The following CCDC148 variants were observed in gnomAD, a reference collection of about 807,000 sequenced individuals.
CCDC148 encodes coiled-coil domain-containing protein 148.
Under a neutral mutation model 85.7 loss-of-function variants are expected in CCDC148, and 89 were observed. The observed-to-expected ratio is 1.04, with a 90% CI of 0.87 to 1.24. The LOEUF (loss-of-function observed/expected upper bound fraction) is 1.24, where lower values mean the gene tolerates loss of function less well. Among genes scored for constraint, CCDC148 ranks in the 50% most tolerant of loss-of-function variants. The pLI, the probability that CCDC148 is intolerant of heterozygous loss-of-function variation, is 0.00. For synonymous variants in CCDC148, 230 were observed against 213.9 expected (o/e 1.08, Z -0.66); for missense variants, 692 against 671.7 (o/e 1.03, Z -0.33).
chr2:158,291,212 C>T (rs1373992496), intron 9 of CCDC148, among the ~76,000 whole-genome samples: 2 of 152,114 alleles, frequency 1.3e-5, no homozygotes, highest in East Asian at 1.9e-4. Context: ...CTCAGCCTCC[C>T]GAGTGGCTGG....
chr2:158,279,250 T>C (rs1306538276), intron 9 of CCDC148, among the ~76,000 whole-genome samples: 1 of 152,164 alleles, frequency 6.6e-6, no homozygotes, highest in Non-Finnish European at 1.5e-5. Flanking sequence ...TCGCAGTTCC[T>C]CACCAACAAT....
chr2:158,451,146 A>T (rs1436133109), intron 1 of CCDC148, among the ~76,000 whole-genome samples: 1 of 151,972 alleles, frequency 6.6e-6, no homozygotes, highest in Non-Finnish European at 1.5e-5. Context: ...TTTCTTTTTC[A>T]TAGTTTCTAT....
At chr2:158,354,783 A>G (rs1482961268) in intron 2 of CCDC148, among the ~76,000 whole-genome samples, 4 of 150,744 alleles carry the variant, frequency 2.7e-5, no homozygotes, top group Non-Finnish European at 5.9e-5. Flanking sequence ...AAAAAAAGAG[A>G]ATTTTAGACC....
At chr2:158,381,973 A>T (rs1684890947) in intron 1 of CCDC148, among the ~76,000 whole-genome samples, 1 of 152,120 alleles carries the variant, frequency 6.6e-6, no homozygotes, top group African/African-American at 2.4e-5. Context: ...CTGTATTAAG[A>T]GTTGGGGCCT....
At chr2:158,325,918 T>G (rs1692748068) in intron 7 of CCDC148, among the ~76,000 whole-genome samples, 1 of 152,182 alleles carries the variant, frequency 6.6e-6, no homozygotes, top group African/African-American at 2.4e-5. Context: ...CAATATCTTC[T>G]TGCACTTCTA....
intron 11 of CCDC148, among the ~76,000 whole-genome samples, chr2:158,181,171 C>T (rs1347855947): frequency 6.6e-6 from 1 of 152,068 alleles, no homozygotes; most frequent in African/African-American, 2.4e-5. Flanking sequence ...GTTTCTCTTC[C>T]TTTGGGATAT....
rs925570732 is a variant in CCDC148 at position 158,198,234 on chromosome 2, A to T, written c.1371-19238T>A. Among the ~76,000 whole-genome samples the T allele has an allele frequency of 2.6e-5, 4 of 152,310 alleles. No homozygotes were observed. In the South Asian group the frequency reaches 8.3e-4, roughly 32 times the overall value. On this transcript the variant is annotated intron_variant, in intron 11 of 13. Transcript: ENST00000283233. ...AAGTGCTACTTCCGTGTGTGTCCAT[A>T]GCACTTTGTGCTTCCCTTCCCCAGG...
chr2:158,432,124 G>A (rs987484091), intron 1 of CCDC148, among the ~76,000 whole-genome samples: 2 of 150,822 alleles, frequency 1.3e-5, no homozygotes, highest in Admixed American at 6.6e-5. Context: ...AATTCTAGAG[G>A]AACCACTAAA....
At chr2:158,315,388 A>T (rs533281740) in intron 7 of CCDC148, among the ~76,000 whole-genome samples, 1 of 152,304 alleles carries the variant, frequency 6.6e-6, no homozygotes, top group South Asian at 2.1e-4. Flanking sequence ...TAGCCACATA[A>T]ATTCTGCATT....
At chr2:158,173,977 C>G (rs1181130913) in intron 13 of CCDC148, among the ~76,000 whole-genome samples, 3 of 152,014 alleles carry the variant, frequency 2.0e-5, no homozygotes, top group African/African-American at 7.2e-5. Flanking sequence ...TCCCCACAGG[C>G]AGCCCATCAG....
rs547398574 is a variant in CCDC148 at position 158,431,757 on chromosome 2, G to T, written c.25+24658C>A. Among the ~76,000 whole-genome samples the T allele has an allele frequency of 2.0e-5, 3 of 152,176 alleles. No homozygotes were observed. The South Asian group carries it at 6.2e-4, about 32-fold the overall frequency. On this transcript the variant is annotated intron_variant, in intron 1 of 13. Transcript: ENST00000283233. ...GGTTTGAAACCAGCCTGGCCAACATGGTGAAACACTTCCTACTAAAAATAC... is the reference window on the plus strand; with the variant it reads ...GGTTTGAAACCAGCCTGGCCAACATTGTGAAACACTTCCTACTAAAAATAC...
rs140689378 is a variant in CCDC148, at chr2:158,432,976, A to T, written c.25+23439T>A. Among the ~76,000 whole-genome samples, 858 of 147,622 alleles carry T rather than the reference A, an allele frequency of 5.8e-3. 9 individuals carry two copies. The highest frequency in any genetic ancestry group is 0.02 in the African/African-American group (816 of 40,052). On this transcript the variant is annotated intron_variant, in intron 1 of 13. Coordinates refer to ENST00000283233, the MANE Select transcript of CCDC148 (RefSeq NM_138803.4). Reference sequence around the variant, plus strand: ...TTATAGGTTGGGTGCAATGGCTCACACCTGTAATCCCAGCATCTTGGGAGG... The same window carrying T: ...TTATAGGTTGGGTGCAATGGCTCACTCCTGTAATCCCAGCATCTTGGGAGG...
At chr2:158,331,952 C>G (rs985383275) in intron 7 of CCDC148, among the ~76,000 whole-genome samples, 1 of 152,222 alleles carries the variant, frequency 6.6e-6, no homozygotes, top group South Asian at 2.1e-4. Flanking sequence ...GGTCTTGACT[C>G]TTTATCCAAT....
intron 5 of CCDC148, 90 bp downstream of exon 5, chr2:158,340,152 G>A (rs2105242507): frequency 9.2e-7 from 1 of 1,082,518 alleles, no homozygotes; most frequent in Non-Finnish European, 1.3e-6. Context: ...CTAATATACA[G>A]GTCACACATG....
chr2:158,240,798 G>A (rs755015255), intron 10 of CCDC148, among the ~76,000 whole-genome samples: 3 of 152,074 alleles, frequency 2.0e-5, no homozygotes, highest in East Asian at 1.9e-4. Context: ...GTACACACAC[G>A]CCTGCAACAA....
chr2:158,342,858 A>T (rs957358248), intron 3 of CCDC148, among the ~76,000 whole-genome samples: 5 of 152,214 alleles, frequency 3.3e-5, no homozygotes, highest in African/African-American at 7.2e-5. Flanking sequence ...AAGTGTGTCA[A>T]AAACCTCAAG....
In CCDC148 at chr2:158,300,978, C is replaced by T. The variant is rs114119905; in HGVS notation, c.1110+8455G>A. On this transcript the variant is annotated intron_variant, in intron 9 of 13. Coordinates refer to ENST00000283233, the MANE Select transcript of CCDC148 (RefSeq NM_138803.4). ...CAAGAAATCCTCCTGCCTCAACCTC[C>T]TGAGTAGCTAGAACTACATGCACGC... Among the ~76,000 whole-genome samples the T allele has an allele frequency of 8.1e-3, 1,231 of 152,290 alleles. 10 individuals are homozygous for T. The highest frequency in any genetic ancestry group is 0.027 in the African/African-American group (1,140 of 41,556).
rs114057540 is a variant in CCDC148 at position 158,221,404 on chromosome 2, G to A, written c.1252-691C>T. Among the ~76,000 whole-genome samples, 722 of 152,310 alleles carry A rather than the reference G, an allele frequency of 4.7e-3. 1 individual carries two copies. The highest frequency in any genetic ancestry group is 0.016 in the African/African-American group (657 of 41,572). ...GGTACATATGAGCTATTTTCAGGGAGCTGAAACCCTTATTCAGGATTTCCC... is the reference window on the plus strand; with the variant it reads ...GGTACATATGAGCTATTTTCAGGGAACTGAAACCCTTATTCAGGATTTCCC... On this transcript the variant is annotated intron_variant, in intron 10 of 13. Coordinates refer to ENST00000283233, the MANE Select transcript of CCDC148 (RefSeq NM_138803.4).
chr2:158,435,321 C>T (rs951004583), intron 1 of CCDC148, among the ~76,000 whole-genome samples: 38 of 152,248 alleles, frequency 2.5e-4, no homozygotes, highest in African/African-American at 8.7e-4. Context: ...GGGGCCAATA[C>T]TCCACATTCT....
Sources: gnomAD v4.1 joint callset for allele counts (sites outside exome capture counted in the v4.1 genomes callset) on GRCh38, gnomAD v4.1.1 for gene constraint, MANE v1.5 for transcripts, NCBI Gene and HGNC (gene_info 2026-07-23, HGNC 2026-07-21) for gene names.